SRBD1: variants seen among roughly 807,000 people sequenced by gnomAD.
SRBD1 encodes S1 RNA binding domain 1, also known as S1 RNA-binding domain-containing protein 1.
A neutral mutation model predicts 115.3 loss-of-function variants in SRBD1; 88 were observed. The ratio of observed to expected loss-of-function variants is 0.76; its 90% CI spans 0.64 to 0.91. The LOEUF (loss-of-function observed/expected upper bound fraction) is 0.91. SRBD1 is among the 40% of genes least tolerant of loss of function. SRBD1 has a pLI of 0.00. For missense variants in SRBD1, 1,385 were observed against 1,177.4 expected, an observed-to-expected ratio of 1.18 and a Z score of -2.58; for synonymous variants, 509 against 407.7, an observed-to-expected ratio of 1.25 and a Z score of -2.99.
At chr2:45,464,714 C>G (rs1443420664) in intron 16 of SRBD1, among the ~76,000 whole-genome samples, 1 of 152,154 alleles carries the variant, frequency 6.6e-6, no homozygotes, top group Non-Finnish European at 1.5e-5. Context: ...GTATAAAACA[C>G]TGAGACACAA....
At chr2:45,466,234 C>T (rs1372322884) in intron 16 of SRBD1, among the ~76,000 whole-genome samples, 1 of 152,144 alleles carries the variant, frequency 6.6e-6, no homozygotes, top group East Asian at 1.9e-4. Flanking sequence ...AGGGGAACAA[C>T]TCCTCACAGT....
At chr2:45,563,235 G>C (rs939757436) in intron 9 of SRBD1, among the ~76,000 whole-genome samples, 2 of 152,170 alleles carry the variant, frequency 1.3e-5, no homozygotes, top group East Asian at 1.9e-4. Context: ...AATCCTTAGA[G>C]TCACCAGTAA....
At chr2:45,483,656 T>C (rs1670031369) in intron 15 of SRBD1, among the ~76,000 whole-genome samples, 1 of 152,116 alleles carries the variant, frequency 6.6e-6, no homozygotes, top group South Asian at 2.1e-4. Context: ...CAATATTAGA[T>C]ATCTGTATTT....
chr2:45,557,440 C>T (rs763818878), intron 10 of SRBD1, among the ~76,000 whole-genome samples: 5 of 152,180 alleles, frequency 3.3e-5, no homozygotes, highest in Non-Finnish European at 1.5e-5. Context: ...CTCAAACCCC[C>T]AGTAGTCTTC....
chr2:45,608,753 T>C (rs1348267742), intron 1 of SRBD1, among the ~76,000 whole-genome samples: 7 of 152,112 alleles, frequency 4.6e-5, no homozygotes, highest in African/African-American at 1.7e-4. Flanking sequence ...AACCTGTTCC[T>C]ATTCCAGTCC....
At chr2:45,537,724 G>A (rs1482400745) in intron 14 of SRBD1, among the ~76,000 whole-genome samples, 1 of 152,128 alleles carries the variant, frequency 6.6e-6, no homozygotes, top group East Asian at 1.9e-4. Context: ...ATTTCACATA[G>A]AAGAATATCT....
At chr2:45,484,854 TG>T (rs1420131617) in intron 15 of SRBD1, among the ~76,000 whole-genome samples, 1 of 152,238 alleles carries the variant, frequency 6.6e-6, no homozygotes, top group Non-Finnish European at 1.5e-5. Context: ...CTTTTGGGAT[TG>T]GCTTCTTTTA....
In SRBD1 at chr2:45,531,158, C is replaced by G. The variant is rs990328062; in HGVS notation, c.1874+15574G>C. 2.4e-4 allele frequency among the ~76,000 whole-genome samples: 36 copies of G among 151,802 alleles called. 1 individual carries two copies. The highest frequency in any genetic ancestry group is 8.2e-4 in the African/African-American group (34 of 41,386). On this transcript the variant is annotated intron_variant, in intron 14 of 20. Transcript: ENST00000263736. ...TTCCTTGAAAAGAAAAGGTCACTAC[C>G]AAACGCCTCTGTGTCAGTTGTTGTG...
intron 14 of SRBD1, among the ~76,000 whole-genome samples, chr2:45,533,582 A>G (rs1005305530): frequency 6.6e-6 from 1 of 152,060 alleles, no homozygotes; most frequent in Non-Finnish European, 1.5e-5. Flanking sequence ...AAATTGGTGA[A>G]TTCCACTCTA....
chr2:45,518,857 C>T (rs1671198386), intron 14 of SRBD1, among the ~76,000 whole-genome samples: 1 of 151,200 alleles, frequency 6.6e-6, no homozygotes, highest in African/African-American at 2.4e-5. Context: ...AAAACATGTA[C>T]TGTTTTGGTT....
At position 45,389,366 on chromosome 2, in the gene SRBD1, G is replaced by A; in HGVS notation, c.2932C>T (p.Leu978Phe). 1 of 1,614,048 alleles carries A rather than the reference G, an allele frequency of 6.2e-7. No homozygotes were observed. Among genetic ancestry groups the A allele is most frequent in the Non-Finnish European group, 8.5e-7 (1 of 1,179,946 alleles). Residue 978 changes from leucine to phenylalanine, a missense_variant, in exon 21 of 21, where the codon CTC (leucine) becomes TTC (phenylalanine). Physicochemically the swap from Leu to Phe is conservative, Grantham distance 22. Coordinates refer to ENST00000263736, the MANE Select transcript of SRBD1 (RefSeq NM_018079.5). ...CTAGATCGGGGGATGTCAATGTTGAGTACTTGGACTTCCACTCTTTCTCCG... is the reference window on the plus strand; with the variant it reads ...CTAGATCGGGGGATGTCAATGTTGAATACTTGGACTTCCACTCTTTCTCCG... The part of the protein sequence containing the change: ...GPGERVEVQV[L>F]NIDIPRSRIT...
At chr2:45,556,508 G>T (rs1464119996) in intron 10 of SRBD1, among the ~76,000 whole-genome samples, 1 of 121,322 alleles carries the variant, frequency 8.2e-6, no homozygotes, top group East Asian at 2.3e-4. Context: ...TGTCACCCAG[G>T]CTGGAGTGCA....
chr2:45,553,542 A>G, intron 11 of SRBD1, 81 bp downstream of exon 11: 2 of 891,808 alleles, frequency 2.2e-6, no homozygotes, highest in Non-Finnish European at 3.2e-6. Context: ...TCAATCAACA[A>G]ACATTAGCTA....
At chr2:45,407,534 T>A (rs1667473437) in intron 19 of SRBD1, among the ~76,000 whole-genome samples, 1 of 152,174 alleles carries the variant, frequency 6.6e-6, no homozygotes, top group Non-Finnish European at 1.5e-5. Context: ...CTTGAGAGCA[T>A]AATCACCTCT....
chr2:45,427,755 G>C (rs1341797283), intron 16 of SRBD1, among the ~76,000 whole-genome samples: 1 of 152,134 alleles, frequency 6.6e-6, no homozygotes, highest in African/African-American at 2.4e-5. Context: ...ACATCAAAAA[G>C]ATTATCCACT....
At chr2:45,507,343 T>G (rs1157436899) in intron 14 of SRBD1, among the ~76,000 whole-genome samples, 2 of 152,208 alleles carry the variant, frequency 1.3e-5, no homozygotes, top group Non-Finnish European at 1.5e-5. Flanking sequence ...CTAATGACTC[T>G]CATTTCAACC....
At chr2:45,404,844 T>C (rs147923892) in intron 19 of SRBD1, among the ~76,000 whole-genome samples, 1 of 152,268 alleles carries the variant, frequency 6.6e-6, no homozygotes, top group African/African-American at 2.4e-5. Context: ...CCTTGCTCAC[T>C]CTGCTCTGGC....
chr2:45,472,380 T>C (rs916474531), intron 16 of SRBD1, among the ~76,000 whole-genome samples: 1 of 152,244 alleles, frequency 6.6e-6, no homozygotes, highest in African/African-American at 2.4e-5. Context: ...ATGTTCTATT[T>C]TCACAACTCC....
At chr2:45,477,621 T>A (rs1016412992) in intron 15 of SRBD1, among the ~76,000 whole-genome samples, 2 of 152,140 alleles carry the variant, frequency 1.3e-5, no homozygotes, top group African/African-American at 4.8e-5. Flanking sequence ...GCCATCTCAG[T>A]TCACTGCAGC....
Sources: allele counts gnomAD v4.1 joint callset (sites outside exome capture counted in the v4.1 genomes callset), GRCh38; gene constraint gnomAD v4.1.1; transcripts MANE v1.5; gene names NCBI Gene and HGNC (gene_info 2026-07-23, HGNC 2026-07-21).